MDM2: variants seen among roughly 807,000 people sequenced by gnomAD.
The protein encoded by MDM2 is MDM2 proto-oncogene.
MDM2 carries 11 observed loss-of-function variants against 64.3 expected under a neutral mutation model. That is an observed-to-expected ratio of 0.17 (90% CI 0.11 to 0.28). MDM2 has a LOEUF of 0.28. Among genes scored for constraint, MDM2 ranks in the 10% least tolerant of loss-of-function variants. The probability of loss-of-function intolerance (pLI) is 1.00; values close to 1 mark genes in which losing one functional copy is unlikely to be tolerated. For missense variants in MDM2, 388 were observed against 577.1 expected, an observed-to-expected ratio of 0.67 and a Z score of 3.36; for synonymous variants, 194 against 192.9, an observed-to-expected ratio of 1.01 and a Z score of -0.05.
At position 68,808,293 on chromosome 12, in the gene MDM2, C is replaced by A; in HGVS notation, c.-185C>A. ...GAGGGGCGGCCGCGACCCCTCTGAC[C>A]GAGATCCTGCTGCTTTCGCAGCCAG... is the stretch of plus-strand genomic sequence containing the variant. On this transcript the variant is annotated 5_prime_UTR_variant, in exon 1 of 11. Transcript: ENST00000258149. 6.9e-6 allele frequency: 5 copies of A among 719,842 alleles called. No homozygotes were observed. Among genetic ancestry groups the A allele is most frequent in the Admixed American group, 5.1e-5 (2 of 39,070 alleles). 44.6% of individuals were successfully genotyped at this position (719,842 alleles called of 1,614,324 possible). A position where few individuals can be genotyped will look rare whatever the true frequency, so the allele number is the denominator to read the frequency against.
In MDM2 at chr12:68,844,263, C is replaced by G; in HGVS notation, c.*4414C>G. 1 of 216,416 alleles carries G rather than the reference C, an allele frequency of 4.6e-6. No individual in the cohort carries two copies. The highest frequency in any genetic ancestry group is 2.2e-5 in the African/African-American group (1 of 44,508). 13.4% of individuals were successfully genotyped at this position (216,416 alleles called of 1,614,324 possible). On this transcript the variant is annotated 3_prime_UTR_variant, in exon 11 of 11. Coordinates refer to ENST00000258149, the MANE Select transcript of MDM2 (RefSeq NM_002392.6). ...ATTTGAATATCATATATTTGGGTAA[C>G]AAAAGGCACAAGTCTGAATGTGTTT...
intron 2 of MDM2, among the ~76,000 whole-genome samples, chr12:68,811,126 A>G (rs1394194941): frequency 6.6e-6 from 1 of 152,158 alleles, no homozygotes; most frequent in Non-Finnish European, 1.5e-5. Flanking sequence ...CGGCCTCCCA[A>G]AGTGCTGGGA....
In MDM2 at chr12:68,839,894, C is replaced by T; in HGVS notation, c.*45C>T. On this transcript the variant is annotated 3_prime_UTR_variant, in exon 11 of 11. Coordinates refer to ENST00000258149, the MANE Select transcript of MDM2 (RefSeq NM_002392.6). ...ATTATATATTTCTAACTATATAACC[C>T]TAGGAATTTAGACAACCTGAAATTT... The T allele has an allele frequency of 2.0e-6, 3 of 1,533,720 alleles. No homozygotes were observed. Among genetic ancestry groups the T allele is most frequent in the Non-Finnish European group, 2.6e-6 (3 of 1,133,292 alleles).
Position 68,840,008 on chromosome 12 carries a change from G to A in MDM2, c.*159G>A, listed in dbSNP as rs1317993689. The stretch of plus-strand genomic sequence containing the variant: ...TGACCTACTTTGGTAGTGGAATAGT[G>A]AATACTTACTATAATTTGACTTGAA... On this transcript the variant is annotated 3_prime_UTR_variant, in exon 11 of 11. Coordinates refer to ENST00000258149, the MANE Select transcript of MDM2 (RefSeq NM_002392.6). 3.3e-6 allele frequency: 2 copies of A among 614,318 alleles called. No homozygotes were observed. Among genetic ancestry groups the A allele is most frequent in the African/African-American group, 1.9e-5 (1 of 53,504 alleles). The allele number at this position is 614,318 out of a possible 1,614,324, so 38.1% of individuals were successfully genotyped here.
chr12:68,819,106 A>G (rs1881638587), intron 4 of MDM2, among the ~76,000 whole-genome samples: 1 of 152,216 alleles, frequency 6.6e-6, no homozygotes, highest in Admixed American at 6.5e-5. Context: ...GAGAGATAAG[A>G]AATAGGAGAA....
intron 5 of MDM2, among the ~76,000 whole-genome samples, chr12:68,822,144 G>C (rs894114866): frequency 2.0e-5 from 3 of 152,140 alleles, no homozygotes; most frequent in Non-Finnish European, 4.4e-5. Flanking sequence ...GAGCCACTGC[G>C]TCTGGCTGTT....
At chr12:68,808,632 G>A (rs985158336) in intron 1 of MDM2, 141 bp downstream of exon 1, 6 of 1,280,570 alleles carry the variant, frequency 4.7e-6, no homozygotes, top group African/African-American at 3.0e-5. Flanking sequence ...GCGGGGCATG[G>A]GGCACGTGGC....
intron 7 of MDM2, among the ~76,000 whole-genome samples, chr12:68,827,339 A>G (rs1882426351): frequency 6.6e-6 from 1 of 151,754 alleles, no homozygotes; most frequent in Non-Finnish European, 1.5e-5. Context: ...ATGACTCAAG[A>G]TTTTTCATAT....
At chr12:68,822,236 T>C (rs1881917802) in intron 5 of MDM2, among the ~76,000 whole-genome samples, 1 of 152,234 alleles carries the variant, frequency 6.6e-6, no homozygotes, top group Non-Finnish European at 1.5e-5. Context: ...ATTAATATGG[T>C]ATTTAATAAA....
At chr12:68,819,645 C>T (rs1881684358) in intron 4 of MDM2, among the ~76,000 whole-genome samples, 1 of 152,188 alleles carries the variant, frequency 6.6e-6, no homozygotes. Flanking sequence ...GCATGCGCCA[C>T]CATGCCCAGC....
downstream of MDM2, chr12:68,846,118 AT>A (rs34769683): frequency 2.6e-5 from 4 of 151,854 alleles, no homozygotes; most frequent in Admixed American, 6.6e-5. Context: ...CACCTGGCTA[AT>A]TTTTTTTGTA....
intron 10 of MDM2, among the ~76,000 whole-genome samples, chr12:68,838,200 G>A (rs3730646): frequency 0.29 from 44,746 of 152,056 alleles, 7,968 homozygotes; most frequent in Non-Finnish European, 0.41. Flanking sequence ...AACATCATTT[G>A]TGAGGCAATC....
At chr12:68,809,033 T>C (rs1742142580) in intron 1 of MDM2, 175 bp from the exon 2 acceptor site, 2 of 1,485,860 alleles carry the variant, frequency 1.3e-6, no homozygotes, top group Non-Finnish European at 1.8e-6. Flanking sequence ...CAGTGGCGAT[T>C]GGAGGGTAGA....
downstream of MDM2, chr12:68,847,215 T>TATATATA (rs1884379295): frequency 1.4e-5 from 2 of 139,526 alleles, no homozygotes; most frequent in African/African-American, 5.6e-5. Context: ...TATATATACT[T>TATATATA]TTTTTAGAGG....
chr12:68,824,685 A>G (rs1439755384), intron 7 of MDM2, 34 bp downstream of exon 7: 1 of 1,323,612 alleles, frequency 7.6e-7, no homozygotes, highest in Non-Finnish European at 1.1e-6. Context: ...GCATTCACAC[A>G]GCTTTTTGAT....
chr12:68,819,077 G>T (rs1235393792), intron 4 of MDM2, among the ~76,000 whole-genome samples: 4 of 152,084 alleles, frequency 2.6e-5, no homozygotes, highest in Admixed American at 2.0e-4. Flanking sequence ...GATTTCCTTG[G>T]ACTTGAATTC....
In MDM2 at chr12:68,820,392, A is replaced by C. The variant is rs903457032; in HGVS notation, c.358+18A>C. The C allele has an allele frequency of 6.3e-7, 1 of 1,587,502 alleles. No individual in the cohort carries two copies. Among genetic ancestry groups the C allele is most frequent in the African/African-American group, 1.4e-5 (1 of 73,892 alleles). Reference sequence around the variant, plus strand: ...TCAGCAGGGTAAGTTAATTTTGAGCATCATGGATAAATACCATAAAAACGT... The same window carrying C: ...TCAGCAGGGTAAGTTAATTTTGAGCCTCATGGATAAATACCATAAAAACGT... On this transcript the variant is annotated intron_variant, in intron 5 of 10. Transcript: ENST00000258149.
Position 68,808,476 on chromosome 12 carries a change from G to A in MDM2, c.-2G>A, listed in dbSNP as rs941099348. 1 of 1,614,102 alleles carries A rather than the reference G, an allele frequency of 6.2e-7. No individual in the cohort carries two copies. Among genetic ancestry groups the A allele is most frequent in the Middle Eastern group, 1.7e-4 (1 of 6,048 alleles). On this transcript the variant is annotated 5_prime_UTR_variant, in exon 1 of 11. Coordinates refer to ENST00000258149, the MANE Select transcript of MDM2 (RefSeq NM_002392.6). ...CCCCGACTCCAAGCGCGAAAACCCCGGATGGTGAGGAGCAGGTACTGGCCC... is the reference window on the plus strand; with the variant it reads ...CCCCGACTCCAAGCGCGAAAACCCCAGATGGTGAGGAGCAGGTACTGGCCC...
At chr12:68,815,457 T>TA (rs1555185739) in intron 3 of MDM2, among the ~76,000 whole-genome samples, 42 of 147,770 alleles carry the variant, frequency 2.8e-4, no homozygotes, top group African/African-American at 6.8e-4. Flanking sequence ...TTTTTTTTTT[T>TA]ATGTGACAGT....
Sources: allele counts gnomAD v4.1 joint callset (sites outside exome capture counted in the v4.1 genomes callset), GRCh38; gene constraint gnomAD v4.1.1; transcripts MANE v1.5; gene names NCBI Gene and HGNC (gene_info 2026-07-23, HGNC 2026-07-21).